The following ADAD1 variants were observed in gnomAD, a reference collection of about 807,000 sequenced individuals.
ADAD1 encodes adenosine deaminase domain-containing protein 1.
ADAD1 carries 46 observed loss-of-function variants against 66.8 expected under a neutral mutation model. The observed-to-expected ratio is 0.69, with a 90% confidence interval of 0.54 to 0.88. The LOEUF (loss-of-function observed/expected upper bound fraction) is 0.88. Ranked by LOEUF, ADAD1 falls within the 40% of genes least tolerant of loss-of-function variation. The pLI, the probability that ADAD1 is intolerant of heterozygous loss-of-function variation, is 0.00. For missense variants in ADAD1, 617 were observed against 681.8 expected, an observed-to-expected ratio of 0.91 and a Z score of 1.06; for synonymous variants, 248 against 229.4, an observed-to-expected ratio of 1.08 and a Z score of -0.73.
intron 8 of ADAD1, among the ~76,000 whole-genome samples, chr4:122,409,636 A>T (rs1213904578): frequency 6.6e-6 from 1 of 152,070 alleles, no homozygotes; most frequent in Non-Finnish European, 1.5e-5. Flanking sequence ...TTGGTTCTTT[A>T]AACCATTAAA....
chr4:122,395,497 A>G (rs990077816), intron 6 of ADAD1, among the ~76,000 whole-genome samples: 1 of 151,728 alleles, frequency 6.6e-6, no homozygotes, highest in Non-Finnish European at 1.5e-5. Flanking sequence ...TCTGGCCAAT[A>G]TGGTGAAACC....
chr4:122,416,532 A>G (rs908309733), intron 11 of ADAD1, among the ~76,000 whole-genome samples: 1 of 152,064 alleles, frequency 6.6e-6, no homozygotes, highest in Non-Finnish European at 1.5e-5. Flanking sequence ...TTCAAGACCA[A>G]TCTGGGAAAC....
intron 7 of ADAD1, among the ~76,000 whole-genome samples, chr4:122,402,226 A>G (rs759577882): frequency 2.8e-4 from 42 of 152,194 alleles, no homozygotes; most frequent in Admixed American, 5.9e-4. Flanking sequence ...GTTTGTCTGA[A>G]AAAGACTTTA....
intron 4 of ADAD1, among the ~76,000 whole-genome samples, 160 bp downstream of exon 4, chr4:122,381,340 C>T (rs1312451262): frequency 6.6e-6 from 1 of 152,190 alleles, no homozygotes; most frequent in African/African-American, 2.4e-5. Flanking sequence ...TTAGCCTTTG[C>T]AGCCTCTACA....
chr4:122,428,295 C>G (rs1329279193), intron 12 of ADAD1, among the ~76,000 whole-genome samples: 2 of 152,064 alleles, frequency 1.3e-5, no homozygotes, highest in African/African-American at 4.8e-5. Flanking sequence ...GATCATTTGA[C>G]TCCAAAATAA....
chr4:122,425,377 A>G (rs912607465), intron 12 of ADAD1, among the ~76,000 whole-genome samples: 3 of 152,114 alleles, frequency 2.0e-5, no homozygotes, highest in Admixed American at 2.0e-4. Context: ...CAAGAACAGA[A>G]TGAAATATGA....
chr4:122,398,352 G>A (rs891809839), intron 7 of ADAD1, among the ~76,000 whole-genome samples: 8 of 150,482 alleles, frequency 5.3e-5, no homozygotes, highest in South Asian at 2.1e-4. Context: ...GTGTGTCTGC[G>A]CCACAATTTC....
At position 122,419,258 on chromosome 4, in the gene ADAD1, G is replaced by A. The variant is rs115216494; in HGVS notation, c.1488-2003G>A. Reference sequence around the variant, plus strand: ...ATGGATGGAGCTGGAGGCCGCTATCGTTAGCAAATGAACATGGGAACAGAA... The same window carrying A: ...ATGGATGGAGCTGGAGGCCGCTATCATTAGCAAATGAACATGGGAACAGAA... On this transcript the variant is annotated intron_variant, in intron 11 of 12. Transcript: ENST00000296513. Among the ~76,000 whole-genome samples the A allele has an allele frequency of 6.9e-3, 1,046 of 152,238 alleles. 9 individuals are homozygous for A. Among genetic ancestry groups the A allele is most frequent in the African/African-American group, 0.024 (1,003 of 41,526 alleles).
intron 7 of ADAD1, among the ~76,000 whole-genome samples, chr4:122,396,752 TTGTG>T (rs1795737775): frequency 6.6e-6 from 1 of 152,218 alleles, no homozygotes; most frequent in Non-Finnish European, 1.5e-5. Context: ...TGTTTTTATC[TTGTG>T]TTAACGCTTT....
chr4:122,393,719 C>A, intron 6 of ADAD1, 62 bp downstream of exon 6: 1 of 1,295,026 alleles, frequency 7.7e-7, no homozygotes, highest in Non-Finnish European at 1.1e-6. Flanking sequence ...ATAGTAACAA[C>A]ATAATTAAAA....
intron 10 of ADAD1, 125 bp from the exon 11 acceptor site, chr4:122,415,254 G>A (rs1303631785): frequency 7.1e-6 from 5 of 700,938 alleles, no homozygotes; most frequent in African/African-American, 1.8e-5. Flanking sequence ...ATAGAACTAG[G>A]AAAGGGAAGG....
chr4:122,421,152 G>T, intron 11 of ADAD1, 109 bp from the exon 12 acceptor site: 2 of 841,198 alleles, frequency 2.4e-6, no homozygotes, highest in African/African-American at 1.7e-5. Flanking sequence ...TATGTATATT[G>T]CAAATAATCA....
chr4:122,412,448 A>G, intron 9 of ADAD1, 132 bp from the exon 10 acceptor site: 1 of 720,004 alleles, frequency 1.4e-6, no homozygotes, highest in East Asian at 2.7e-5. Context: ...GCTTTCTTGC[A>G]TCTGTTTCTG....
intron 10 of ADAD1, among the ~76,000 whole-genome samples, chr4:122,414,266 CTT>C (rs201133179): frequency 1.3e-4 from 8 of 63,440 alleles, no homozygotes; most frequent in African/African-American, 3.7e-4. Context: ...TTCCAAATGT[CTT>C]TTTTTTTGGG....
chr4:122,415,403 G>A lies in ADAD1; in HGVS notation c.1274G>A (p.Arg425Lys). 1.2e-6 allele frequency: 2 copies of A among 1,613,574 alleles called. No individual in the cohort carries two copies. Among genetic ancestry groups the A allele is most frequent in the Non-Finnish European group, 1.7e-6 (2 of 1,179,710 alleles). Reference protein sequence around the residue: ...LIGDGNCSDTRGLEIAIKQRV... With the variant: ...LIGDGNCSDTKGLEIAIKQRV... ...GGTGATGGGAATTGCAGTGATACCA[G>A]AGGCTTAGAAATCGCTATAAAGCAA... The change falls in exon 11 of 13, where the codon AGA (arginine) becomes AAA (lysine). Residue 425 changes from arginine to lysine, a missense_variant. Arg to Lys is a conservative substitution (Grantham distance 26). Transcript: ENST00000296513.
At position 122,418,826 on chromosome 4, in the gene ADAD1, A is replaced by G. The variant is rs200176568; in HGVS notation, c.1488-2435A>G. 5.9e-5 allele frequency among the ~76,000 whole-genome samples: 9 copies of G among 152,234 alleles called. No individual in the cohort carries two copies. The East Asian group carries it at 7.7e-4, about 13-fold the overall frequency. ...TTTAAAATTGCTAATCAAAGCCACA[A>G]TGAGATACTATCTCACACCAATCAG... On this transcript the variant is annotated intron_variant, in intron 11 of 12. Coordinates refer to ENST00000296513, the MANE Select transcript of ADAD1 (RefSeq NM_139243.4).
chr4:122,396,265 T>A lies in ADAD1; in HGVS notation c.612T>A (p.Ile204=). ...ATTTTTTTCTAGAAGGGAGACATAT[T>A]CAATATGCAAAGATTTCACAGATCG... ...VSKVHYEGRH[I]QYAKISQIVK... Residue 204 remains isoleucine, a synonymous_variant, in exon 7 of 13, where the codon ATT becomes ATA. Transcript: ENST00000296513. 1 of 1,589,724 alleles carries A rather than the reference T, an allele frequency of 6.3e-7. No homozygotes were observed. The highest frequency in any genetic ancestry group is 1.4e-5 in the African/African-American group (1 of 73,922).
Position 122,422,023 on chromosome 4 carries a change from A to G in ADAD1, c.1617+633A>G, listed in dbSNP as rs113241095. Among the ~76,000 whole-genome samples, 581 of 151,696 alleles carry G rather than the reference A, an allele frequency of 3.8e-3. 4 individuals are homozygous for G. The highest frequency in any genetic ancestry group is 0.013 in the African/African-American group (539 of 41,304). ...ATGTTATTTCAGTTCCTTCTCATATATACGTATTTGTGTATGTATCTGTTT... is the reference window on the plus strand; with the variant it reads ...ATGTTATTTCAGTTCCTTCTCATATGTACGTATTTGTGTATGTATCTGTTT... On this transcript the variant is annotated intron_variant, in intron 12 of 12. Transcript: ENST00000296513.
chr4:122,429,577 A>C, intron 12 of ADAD1, 49 bp from the exon 13 acceptor site: 1 of 1,234,358 alleles, frequency 8.1e-7, no homozygotes. Flanking sequence ...ACTTTTCAGC[A>C]ATCAAATGCT....
Sources: allele counts gnomAD v4.1 joint callset (sites outside exome capture counted in the v4.1 genomes callset), GRCh38; gene constraint gnomAD v4.1.1; transcripts MANE v1.5; gene names NCBI Gene and HGNC (gene_info 2026-07-23, HGNC 2026-07-21).